DNAI2: variants seen among roughly 807,000 people sequenced by gnomAD.
The protein encoded by DNAI2 is dynein axonemal intermediate chain 2.
A neutral mutation model predicts 74.7 loss-of-function variants in DNAI2; 63 were observed. The observed-to-expected ratio is 0.84, with a 90% confidence interval of 0.69 to 1.04. The LOEUF (loss-of-function observed/expected upper bound fraction) is 1.04, where lower values mean the gene tolerates loss of function less well. Ranked by LOEUF, DNAI2 falls within the 50% of genes least tolerant of loss-of-function variation. The probability of loss-of-function intolerance (pLI) is 0.00; values close to 1 mark genes in which losing one functional copy is unlikely to be tolerated. For synonymous variants in DNAI2, 289 were observed against 314.9 expected (o/e 0.92, Z 0.87); for missense variants, 688 against 803.2 (o/e 0.86, Z 1.73).
At chr17:74,312,272 G>T in intron 12 of DNAI2, 42 bp downstream of exon 12, 1 of 520,780 alleles carries the variant, frequency 1.9e-6, no homozygotes. Flanking sequence ...GGGACTGGGC[G>T]GGACACATGG....
In DNAI2 at chr17:74,291,113, G is replaced by T; in HGVS notation, c.704G>T (p.Gly235Val). Reference sequence around the variant, plus strand: ...AAAGATTCCCACGTACTCCTGGGTGGCTGCTACAATGGACAGATAGGTAAG... The same window carrying T: ...AAAGATTCCCACGTACTCCTGGGTGTCTGCTACAATGGACAGATAGGTAAG... Reference protein sequence around the residue: ...NPKDSHVLLGGCYNGQIACWD... With the variant: ...NPKDSHVLLGVCYNGQIACWD... Residue 235 changes from glycine (G) to valine (V), a missense_variant, in exon 6 of 14, where the codon GGC (glycine) becomes GTC (valine). Coordinates refer to ENST00000311014, the MANE Select transcript of DNAI2 (RefSeq NM_023036.6). The T allele has an allele frequency of 6.2e-7, 1 of 1,613,762 alleles. No individual in the cohort carries two copies.
At chr17:74,278,025 T>C (rs1488660686) in intron 1 of DNAI2, among the ~76,000 whole-genome samples, 1 of 152,246 alleles carries the variant, frequency 6.6e-6, no homozygotes. Flanking sequence ...TGTTTCTAAA[T>C]GTGCAGTCAG....
At chr17:74,279,035 T>C (rs1008680322) in intron 1 of DNAI2, among the ~76,000 whole-genome samples, 1 of 151,946 alleles carries the variant, frequency 6.6e-6, no homozygotes, top group Non-Finnish European at 1.5e-5. Flanking sequence ...GGTGTGGTGG[T>C]GGGCACCTGT....
rs1377917459 is a variant in DNAI2 at position 74,306,543 on chromosome 17, C to G, written c.1211+1101C>G. 2.0e-5 allele frequency among the ~76,000 whole-genome samples: 3 copies of G among 152,208 alleles called. 1 individual carries two copies. In the South Asian group the frequency reaches 6.2e-4, roughly 31 times the overall value. ...CCTGCAACGTCAAAGCCACCAGCAA[C>G]CCTAATGAGCATCTTTGGTTCCAGT... On this transcript the variant is annotated intron_variant, in intron 9 of 13. Transcript: ENST00000311014.
At chr17:74,303,805 A>G (rs1014470642) in intron 8 of DNAI2, among the ~76,000 whole-genome samples, 1 of 152,050 alleles carries the variant, frequency 6.6e-6, no homozygotes, top group African/African-American at 2.4e-5. Context: ...ATAATAAAAC[A>G]ATATGTTTTT....
chr17:74,279,692 T>A (rs1405643526), intron 1 of DNAI2, among the ~76,000 whole-genome samples: 3 of 152,138 alleles, frequency 2.0e-5, no homozygotes, highest in African/African-American at 7.2e-5. Flanking sequence ...CATGCCTGGA[T>A]AATTTTTGGT....
At chr17:74,289,887 TCTC>T (rs1322730791) in intron 5 of DNAI2, 151 bp downstream of exon 5, 1 of 904,980 alleles carries the variant, frequency 1.1e-6, no homozygotes, top group Admixed American at 2.2e-5. Context: ...AACACACTCT[TCTC>T]CTTCCTCTCT....
chr17:74,279,938 T>C (rs1041189110), intron 1 of DNAI2, among the ~76,000 whole-genome samples: 3 of 152,218 alleles, frequency 2.0e-5, no homozygotes, highest in Non-Finnish European at 2.9e-5. Context: ...TCTTTTGTCC[T>C]AAGGCTCTGT....
intron 8 of DNAI2, among the ~76,000 whole-genome samples, chr17:74,303,766 T>C (rs1275683021): frequency 6.6e-6 from 1 of 152,086 alleles, no homozygotes; most frequent in African/African-American, 2.4e-5. Flanking sequence ...ATTTATCATT[T>C]TAGTAATTTT....
intron 8 of DNAI2, 144 bp downstream of exon 8, chr17:74,301,312 G>A: frequency 8.0e-7 from 1 of 1,251,974 alleles, no homozygotes; most frequent in East Asian, 2.4e-5. Flanking sequence ...TCCTAGACGT[G>A]TGTGGCCTTT....
chr17:74,283,281 T>A (rs1220274585), intron 2 of DNAI2, among the ~76,000 whole-genome samples: 1 of 152,168 alleles, frequency 6.6e-6, no homozygotes, highest in Non-Finnish European at 1.5e-5. Context: ...ATGTGGTAAA[T>A]TTTATGTTAC....
rs1441719903 is a variant in DNAI2 at position 74,309,688 on chromosome 17, G to A, written c.1347+300G>A. The stretch of plus-strand genomic sequence containing the variant: ...CTACCCACAGGCCGATTCCTTCAGA[G>A]CCCCTGGGGTTTGGCTGCTGGACCT... On this transcript the variant is annotated intron_variant, in intron 10 of 13. Coordinates refer to ENST00000311014, the MANE Select transcript of DNAI2 (RefSeq NM_023036.6). The A allele has an allele frequency of 4.6e-5, 30 of 649,932 alleles. 1 individual carries two copies. The highest frequency in any genetic ancestry group is 1.4e-5 in the Non-Finnish European group (5 of 360,608). The allele number at this position is 649,932 out of a possible 1,614,324, so 40.3% of individuals were successfully genotyped here.
intron 1 of DNAI2, among the ~76,000 whole-genome samples, chr17:74,279,037 G>A (rs2051247577): frequency 6.6e-6 from 1 of 151,954 alleles, no homozygotes; most frequent in Non-Finnish European, 1.5e-5. Flanking sequence ...TGTGGTGGTG[G>A]GCACCTGTAG....
intron 2 of DNAI2, among the ~76,000 whole-genome samples, chr17:74,284,613 C>T (rs542157417): frequency 1.3e-5 from 2 of 152,026 alleles, no homozygotes; most frequent in African/African-American, 2.4e-5. Flanking sequence ...GGGGTTTCAC[C>T]GTGTTAGCGA....
chr17:74,290,913 C>G, intron 5 of DNAI2, 107 bp from the exon 6 acceptor site: 1 of 955,870 alleles, frequency 1.0e-6, no homozygotes, highest in South Asian at 1.3e-5. Flanking sequence ...CCAGGCTTCC[C>G]CCTCTGCCAC....
At chr17:74,282,170 G>T (rs1405199726) in intron 2 of DNAI2, among the ~76,000 whole-genome samples, 170 bp downstream of exon 2, 1 of 152,182 alleles carries the variant, frequency 6.6e-6, no homozygotes, top group African/African-American at 2.4e-5. Context: ...TCCACGCAGT[G>T]CTCAGGGTCA....
At chr17:74,285,533 G>A (rs975791961) in intron 3 of DNAI2, among the ~76,000 whole-genome samples, 4 of 151,988 alleles carry the variant, frequency 2.6e-5, no homozygotes, top group African/African-American at 9.7e-5. Context: ...TCAAGCCTCT[G>A]CCAGGCACAG....
At chr17:74,310,242 A>T in intron 11 of DNAI2, 79 bp downstream of exon 11, 1 of 1,538,990 alleles carries the variant, frequency 6.5e-7, no homozygotes. Flanking sequence ...AGTCAGACAA[A>T]TAGATGGCCC....
In DNAI2 at chr17:74,306,649, AC is replaced by A. The variant is rs550808252; in HGVS notation, c.1211+1208del. Reference sequence around the variant, plus strand: ...TAAAATGCTTTTGAGATGGAGTCTTACTCTGTCACCCAGGCTGAAGTGCAAT... The same window carrying A: ...TAAAATGCTTTTGAGATGGAGTCTTATCTGTCACCCAGGCTGAAGTGCAAT... On this transcript the variant is annotated intron_variant, in intron 9 of 13. Transcript: ENST00000311014. Among the ~76,000 whole-genome samples the A allele has an allele frequency of 2.1e-3, 320 of 152,026 alleles. 1 individual carries two copies. The highest frequency in any genetic ancestry group is 3.6e-3 in the Non-Finnish European group (247 of 67,970).
Sources: allele counts gnomAD v4.1 joint callset (sites outside exome capture counted in the v4.1 genomes callset), GRCh38; gene constraint gnomAD v4.1.1; transcripts MANE v1.5; gene names NCBI Gene and HGNC (gene_info 2026-07-23, HGNC 2026-07-21).